ST6GALNAC3: variants seen among roughly 807,000 people sequenced by gnomAD.
The protein encoded by ST6GALNAC3 is alpha-N-acetylgalactosaminide alpha-2,6-sialyltransferase 3.
A neutral mutation model predicts 32.7 loss-of-function variants in ST6GALNAC3; 25 were observed. That is an observed-to-expected ratio of 0.76 (90% CI 0.56 to 1.07). The LOEUF (loss-of-function observed/expected upper bound fraction) is 1.07. ST6GALNAC3 is among the 50% of genes least tolerant of loss of function. ST6GALNAC3 has a pLI of 0.00. For synonymous variants in ST6GALNAC3, 129 were observed against 133.1 expected, an observed-to-expected ratio of 0.97 and a Z score of 0.21; for missense variants, 355 against 382.4, an observed-to-expected ratio of 0.93 and a Z score of 0.60.
chr1:76,557,475 G>A (rs903207024), intron 3 of ST6GALNAC3, among the ~76,000 whole-genome samples: 58 of 152,020 alleles, frequency 3.8e-4, no homozygotes, highest in African/African-American at 4.8e-5. Context: ...TAAACCACAG[G>A]TAAAGATCTG....
intron 2 of ST6GALNAC3, among the ~76,000 whole-genome samples, chr1:76,408,826 G>A (rs1654015517): frequency 2.0e-5 from 3 of 151,874 alleles, no homozygotes; most frequent in South Asian, 2.1e-4. Flanking sequence ...ATTACACAAC[G>A]AAGCAACTTC....
intron 3 of ST6GALNAC3, among the ~76,000 whole-genome samples, chr1:76,486,500 G>C (rs893489978): frequency 6.6e-6 from 1 of 151,840 alleles, no homozygotes; most frequent in African/African-American, 2.4e-5. Context: ...GTCTCTTTTC[G>C]TCTTTGTTGG....
In ST6GALNAC3 at chr1:76,581,159, C is replaced by T. The variant is rs535715922; in HGVS notation, c.624-46293C>T. On this transcript the variant is annotated intron_variant, in intron 3 of 4. Transcript: ENST00000328299. ...TAAATATTGTTTTTTAATTACCTCA[C>T]GGCCTCAAAGGAACAAGTAATCCTC... Among the ~76,000 whole-genome samples, 17 of 152,154 alleles carry T rather than the reference C, an allele frequency of 1.1e-4. No individual in the cohort carries two copies. In the South Asian group the frequency reaches 1.2e-3, roughly 11 times the overall value.
At chr1:76,343,628 C>T (rs1257143300) in intron 2 of ST6GALNAC3, among the ~76,000 whole-genome samples, 2 of 152,158 alleles carry the variant, frequency 1.3e-5, no homozygotes, top group Admixed American at 1.3e-4. Flanking sequence ...TTCCTCTGTC[C>T]CCAAGGTCAG....
chr1:76,243,615 GA>G (rs753274963), intron 1 of ST6GALNAC3, among the ~76,000 whole-genome samples: 42 of 152,114 alleles, frequency 2.8e-4, no homozygotes, highest in Admixed American at 1.0e-3. Context: ...AATTCATCTT[GA>G]GTTAATTTTT....
intron 3 of ST6GALNAC3, among the ~76,000 whole-genome samples, chr1:76,593,923 C>T (rs984256299): frequency 6.6e-5 from 10 of 152,104 alleles, no homozygotes; most frequent in Admixed American, 2.0e-4. Flanking sequence ...AAGCCACCTA[C>T]TCATTAATAG....
At chr1:76,212,482 A>G (rs1165992853) in intron 1 of ST6GALNAC3, among the ~76,000 whole-genome samples, 1 of 152,084 alleles carries the variant, frequency 6.6e-6, no homozygotes, top group Non-Finnish European at 1.5e-5. Flanking sequence ...TGTTTGAAAA[A>G]TACTTCCTGA....
intron 1 of ST6GALNAC3, among the ~76,000 whole-genome samples, chr1:76,214,353 A>G (rs1344430173): frequency 1.3e-5 from 2 of 152,146 alleles, no homozygotes; most frequent in African/African-American, 4.8e-5. Context: ...ATGATGCAAT[A>G]CAATTGCCAA....
At chr1:76,415,732 C>T (rs138697956) in intron 3 of ST6GALNAC3, among the ~76,000 whole-genome samples, 1 of 152,060 alleles carries the variant, frequency 6.6e-6, no homozygotes, top group African/African-American at 2.4e-5. Context: ...CTGCAAAGAA[C>T]GTCAGTTTCT....
intron 2 of ST6GALNAC3, among the ~76,000 whole-genome samples, chr1:76,355,351 AGT>A (rs1243118265): frequency 1.3e-5 from 2 of 152,300 alleles, no homozygotes; most frequent in East Asian, 3.9e-4. Context: ...TTTCCATTTT[AGT>A]GTATTTCCTT....
At chr1:76,192,375 A>G (rs933622436) in intron 1 of ST6GALNAC3, among the ~76,000 whole-genome samples, 3 of 152,124 alleles carry the variant, frequency 2.0e-5, no homozygotes, top group Non-Finnish European at 4.4e-5. Flanking sequence ...CAGCTATTTC[A>G]TTTCATGATT....
intron 1 of ST6GALNAC3, among the ~76,000 whole-genome samples, chr1:76,132,258 T>A (rs74092526): frequency 0.018 from 2,800 of 152,280 alleles, 88 homozygotes; most frequent in African/African-American, 0.064. Context: ...CCTCTTTATC[T>A]GAGTCTAGCT....
At chr1:76,470,614 T>A (rs921255672) in intron 3 of ST6GALNAC3, among the ~76,000 whole-genome samples, 1 of 152,056 alleles carries the variant, frequency 6.6e-6, no homozygotes, top group Non-Finnish European at 1.5e-5. Context: ...TCAAACAGAT[T>A]TTTCCCTCAT....
At chr1:76,213,962 C>A (rs1223362294) in intron 1 of ST6GALNAC3, among the ~76,000 whole-genome samples, 1 of 152,098 alleles carries the variant, frequency 6.6e-6, no homozygotes, top group Non-Finnish European at 1.5e-5. Context: ...GGGCCACCTG[C>A]ATCTCAGAAT....
chr1:76,405,913 G>C (rs990498200), intron 2 of ST6GALNAC3, among the ~76,000 whole-genome samples: 14 of 151,816 alleles, frequency 9.2e-5, no homozygotes, highest in African/African-American at 2.7e-4. Context: ...AAAAATGCTA[G>C]AGACTTTTAG....
intron 1 of ST6GALNAC3, among the ~76,000 whole-genome samples, chr1:76,298,961 G>T (rs1408261458): frequency 6.6e-6 from 1 of 151,888 alleles, no homozygotes; most frequent in African/African-American, 2.4e-5. Context: ...GCCCTGCGTT[G>T]GTGAACTGCT....
At position 76,438,313 on chromosome 1, in the gene ST6GALNAC3, G is replaced by A. The variant is rs540730049; in HGVS notation, c.623+25896G>A. 7.1e-4 allele frequency among the ~76,000 whole-genome samples: 108 copies of A among 152,066 alleles called. 1 individual carries two copies. Among genetic ancestry groups the A allele is most frequent in the African/African-American group, 2.5e-3 (104 of 41,508 alleles). ...ACTACAGGCGCCCGCCACCGTGCCCGGCTAATTTTTTGTATTTTTAGTAGA... is the reference window on the plus strand; with the variant it reads ...ACTACAGGCGCCCGCCACCGTGCCCAGCTAATTTTTTGTATTTTTAGTAGA... On this transcript the variant is annotated intron_variant, in intron 3 of 4. Transcript: ENST00000328299.
chr1:76,179,708 A>G (rs1653059661), intron 1 of ST6GALNAC3, among the ~76,000 whole-genome samples: 1 of 152,158 alleles, frequency 6.6e-6, no homozygotes, highest in Non-Finnish European at 1.5e-5. Flanking sequence ...CCAAGAAGCG[A>G]TCTTATCCTG....
rs1239307093 is a variant in ST6GALNAC3 at position 76,434,770 on chromosome 1, CT to C, written c.623+22362del. On this transcript the variant is annotated intron_variant, in intron 3 of 4. Transcript: ENST00000328299. ...TCACTAGAAGATGACTTTTTACTGC[CT>C]TTTTTTTTCTCTGTTTTTTTTTTTT... 2.5e-3 allele frequency among the ~76,000 whole-genome samples: 325 copies of C among 130,874 alleles called. 1 individual carries two copies. Among genetic ancestry groups the C allele is most frequent in the African/African-American group, 5.2e-3 (187 of 35,698 alleles). 85.9% of individuals were successfully genotyped at this position (130,874 alleles called of 152,430 possible). A position where few individuals can be genotyped will look rare whatever the true frequency, so the allele number is the denominator to read the frequency against.
Sources: gnomAD v4.1 joint callset for allele counts (sites outside exome capture counted in the v4.1 genomes callset) on GRCh38, gnomAD v4.1.1 for gene constraint, MANE v1.5 for transcripts, NCBI Gene and HGNC (gene_info 2026-07-23, HGNC 2026-07-21) for gene names.